The following C6 variants were observed in gnomAD, a reference collection of about 807,000 sequenced individuals.
The protein encoded by C6 is complement C6, also known as complement component C6.
A neutral mutation model predicts 112.9 loss-of-function variants in C6; 101 were observed. The ratio of observed to expected loss-of-function variants is 0.89; its 90% confidence interval spans 0.76 to 1.06. C6 has a LOEUF of 1.06. C6 is among the 50% of genes least tolerant of loss of function. The pLI, the probability that C6 is intolerant of heterozygous loss-of-function variation, is 0.00. For synonymous variants in C6, 431 were observed against 384.1 expected (o/e 1.12, Z -1.43); for missense variants, 1,202 against 1,104.6 (o/e 1.09, Z -1.25).
At chr5:41,154,180 A>T (rs923423930) in intron 14 of C6, among the ~76,000 whole-genome samples, 182 bp from the exon 15 acceptor site, 3 of 152,206 alleles carry the variant, frequency 2.0e-5, no homozygotes, top group African/African-American at 7.2e-5. Flanking sequence ...CAGACCCTTC[A>T]TTGAAAAATT....
At chr5:41,203,823 G>A (rs1444529146) in intron 1 of C6, 1 of 161,910 alleles carries the variant, frequency 6.2e-6, no homozygotes, top group Non-Finnish European at 1.4e-5. Flanking sequence ...GAGATAAAAT[G>A]AGGCTCAAGG....
rs767651698 is a variant in C6, at chr5:41,158,772, T to C, written c.1870A>G (p.Ile624Val). 7.0e-6 allele frequency: 11 copies of C among 1,575,150 alleles called. 1 individual carries two copies. The South Asian group carries it at 1.1e-4, about 16-fold the overall frequency. ...TCTTTCATTTCTTCGTCATCATTGATACATGGTTGTCCACTAAAAGGGAAA... is the reference window on the plus strand; with the variant it reads ...TCTTTCATTTCTTCGTCATCATTGACACATGGTTGTCCACTAAAAGGGAAA... ...SIMENNGQPC[I>V]NDDEEMKEVD... is the part of the protein sequence containing the mutation. The change falls in exon 13 of 18, where the codon ATC becomes GTC. Residue 624 changes from isoleucine (I) to valine (V), a missense_variant. Coordinates refer to ENST00000337836, the MANE Select transcript of C6 (RefSeq NM_000065.5).
At position 41,186,081 on chromosome 5, in the gene C6, C is replaced by T. The variant is rs1336603450; in HGVS notation, c.715G>A (p.Val239Ile). 2 of 1,613,874 alleles carry T rather than the reference C, an allele frequency of 1.2e-6. No individual in the cohort carries two copies. The highest frequency in any genetic ancestry group is 1.1e-5 in the South Asian group (1 of 91,084). ...CTAGGCTGTCATACCTCAAAGCCGA[C>T]ATTTTCCAGATTGGCCGGAACACGG... ...PYRVPANLEN[V>I]GFEVQTAEDD... is the part of the protein sequence containing the mutation. The change falls in exon 6 of 18, where the codon GTC (valine) becomes ATC (isoleucine). Residue 239 changes from valine to isoleucine, a missense_variant. Coordinates refer to ENST00000337836, the MANE Select transcript of C6 (RefSeq NM_000065.5).
chr5:41,250,662 C>G (rs1741294982), intron 1 of C6, among the ~76,000 whole-genome samples: 1 of 152,146 alleles, frequency 6.6e-6, no homozygotes, highest in Non-Finnish European at 1.5e-5. Context: ...GGTCCTCTAG[C>G]TGGGACCTAG....
chr5:41,247,170 G>A (rs1384068636), intron 1 of C6, among the ~76,000 whole-genome samples: 2 of 151,902 alleles, frequency 1.3e-5, no homozygotes, highest in African/African-American at 4.8e-5. Context: ...GCCAATTCAA[G>A]GAAGTCCTAG....
intron 7 of C6, 30 bp from the exon 8 acceptor site, chr5:41,176,745 T>C (rs1309939132): frequency 6.3e-7 from 1 of 1,594,654 alleles, no homozygotes; most frequent in Admixed American, 1.7e-5. Flanking sequence ...AAAAAGATGA[T>C]TAAAGGTAAT....
In C6 at chr5:41,236,871, A is replaced by G. The variant is rs1395402916; in HGVS notation, c.-21+24323T>C. Among the ~76,000 whole-genome samples, 134 of 139,090 alleles carry G rather than the reference A, an allele frequency of 9.6e-4. No homozygotes were observed. The East Asian group carries it at 0.024, about 25-fold the overall frequency. 91.2% of individuals were successfully genotyped at this position (139,090 alleles called of 152,430 possible). A position where few individuals can be genotyped will look rare whatever the true frequency, so the allele number is the denominator to read the frequency against. ...AAAAAGAGAGAAGAATCAAATAGAC[A>G]CAATAAAAAATGATAAAGGGGATAT... On this transcript the variant is annotated intron_variant, in intron 1 of 17. Transcript: ENST00000263413.
intron 7 of C6, among the ~76,000 whole-genome samples, chr5:41,178,466 C>CTTT (rs70988836): frequency 3.9e-4 from 40 of 101,574 alleles, no homozygotes; most frequent in Admixed American, 4.9e-4. Context: ...TTTTCTTTTT[C>CTTT]TTTTTTTTTT....
intron 1 of C6, among the ~76,000 whole-genome samples, chr5:41,256,833 T>C (rs1741744387): frequency 6.6e-6 from 1 of 152,122 alleles, no homozygotes; most frequent in Non-Finnish European, 1.5e-5. Flanking sequence ...ATTTTACAAA[T>C]GGGTAAAGGA....
chr5:41,243,521 A>T (rs1233552787), intron 1 of C6, among the ~76,000 whole-genome samples: 1 of 151,998 alleles, frequency 6.6e-6, no homozygotes, highest in Non-Finnish European at 1.5e-5. Flanking sequence ...TGCTTTACAC[A>T]TTTTTTTTAA....
chr5:41,146,884 A>G (rs1027165364), intron 17 of C6, among the ~76,000 whole-genome samples: 4 of 152,096 alleles, frequency 2.6e-5, no homozygotes, highest in African/African-American at 9.7e-5. Context: ...GATTTGAAAA[A>G]AAATTTGTGG....
intron 1 of C6, among the ~76,000 whole-genome samples, chr5:41,207,369 A>G (rs1014928227): frequency 6.6e-6 from 1 of 152,244 alleles, no homozygotes; most frequent in African/African-American, 2.4e-5. Context: ...TCAAATTCAC[A>G]CATAACAATA....
At chr5:41,187,647 A>T (rs1749879720) in intron 5 of C6, among the ~76,000 whole-genome samples, 1 of 151,986 alleles carries the variant, frequency 6.6e-6, no homozygotes, top group Non-Finnish European at 1.5e-5. Flanking sequence ...AAATACTTGT[A>T]AATTCTCTAC....
chr5:41,199,277 G>A (rs1411762830), intron 4 of C6, among the ~76,000 whole-genome samples: 1 of 152,126 alleles, frequency 6.6e-6, no homozygotes, highest in Non-Finnish European at 1.5e-5. Context: ...GTTTAGATAG[G>A]AGGTCAATGA....
chr5:41,215,479 A>G (rs1752166979), upstream of C6, among the ~76,000 whole-genome samples: 1 of 152,170 alleles, frequency 6.6e-6, no homozygotes, highest in Non-Finnish European at 1.5e-5. Flanking sequence ...TTCTCTAAAC[A>G]ATATTTAGAT....
intron 5 of C6, among the ~76,000 whole-genome samples, chr5:41,193,305 A>G (rs1425697632): frequency 1.3e-5 from 2 of 152,220 alleles, no homozygotes; most frequent in African/African-American, 2.4e-5. Context: ...CCAGCAGACC[A>G]TGCCTGAGAA....
intron 1 of C6, among the ~76,000 whole-genome samples, chr5:41,255,858 C>T (rs2150443499): frequency 6.6e-6 from 1 of 152,310 alleles, no homozygotes. Flanking sequence ...AGTTCAGCCT[C>T]TACAGAGGGA....
chr5:41,200,891 G>GTTTTTTTTTTTT lies in C6; in HGVS notation c.300+655_300+666dup, dbSNP rs143443464. On this transcript the variant is annotated intron_variant, in intron 3 of 17. Transcript: ENST00000337836. ...TGTTTTTGTTGTTGTTGTTGTTGTTGTTTTTTTTTTTTTTTTTTTTTTTTT... is the reference window on the plus strand; with the variant it reads ...TGTTTTTGTTGTTGTTGTTGTTGTTGTTTTTTTTTTTTTTTTTTTTTTTTTTTTTTTTTTTTT... 9.2e-4 allele frequency among the ~76,000 whole-genome samples: 65 copies of GTTTTTTTTTTTT among 70,648 alleles called. 2 individuals are homozygous for GTTTTTTTTTTTT. The highest frequency in any genetic ancestry group is 1.6e-3 in the African/African-American group (25 of 15,468). The allele number at this position is 70,648 out of a possible 152,430, so 46.3% of individuals were successfully genotyped here.
chr5:41,221,463 T>C (rs983276398), intron 1 of C6, among the ~76,000 whole-genome samples: 2 of 152,176 alleles, frequency 1.3e-5, no homozygotes, highest in Non-Finnish European at 2.9e-5. Flanking sequence ...TTTTCATGGG[T>C]ATCCCATGAG....
Sources: allele counts gnomAD v4.1 joint callset (sites outside exome capture counted in the v4.1 genomes callset), GRCh38; gene constraint gnomAD v4.1.1; transcripts MANE v1.5; gene names NCBI Gene and HGNC (gene_info 2026-07-23, HGNC 2026-07-21).